Variants in UGT2B10 observed in about 807,000 individuals in gnomAD.
UGT2B10 encodes UDP glucuronosyltransferase family 2 member B10.
UGT2B10 carries 51 observed loss-of-function variants against 43.7 expected under a neutral mutation model. That is an observed-to-expected ratio of 1.17 (90% CI 0.93 to 1.47). The LOEUF (loss-of-function observed/expected upper bound fraction) is 1.47. Among genes scored for constraint, UGT2B10 ranks in the 40% most tolerant of loss-of-function variants. The probability of loss-of-function intolerance (pLI) is 0.00; values close to 1 mark genes in which losing one functional copy is unlikely to be tolerated. For synonymous variants in UGT2B10, 225 were observed against 209.0 expected, an observed-to-expected ratio of 1.08 and a Z score of -0.66; for missense variants, 696 against 617.7, an observed-to-expected ratio of 1.13 and a Z score of -1.34.
Position 68,826,478 on chromosome 4 carries a change from AC to A in UGT2B10, c.1072del (p.Gln358ArgfsTer5). 6.2e-7 allele frequency: 1 copy of A among 1,612,314 alleles called. No individual in the cohort carries two copies. ...GLNTRLYKWI[P>X]QNDLLGHPKT... ...TCAATACTCGACTGTACAAGTGGATACCCCAGAATGACCTTCTAGGTAACAC... is the reference window on the plus strand; with the variant it reads ...TCAATACTCGACTGTACAAGTGGATACCCAGAATGACCTTCTAGGTAACAC... On this transcript the variant is annotated frameshift_variant, in exon 4 of 6. Transcript: ENST00000265403. LOFTEE classifies it high-confidence loss of function.
In UGT2B10 at chr4:68,816,032, T is replaced by C. The variant is rs1560412288; in HGVS notation, c.13T>C (p.Trp5Arg). The change falls in exon 1 of 6, where the codon TGG becomes CGG. Residue 5 changes from tryptophan (W) to arginine (R), a missense_variant. Coordinates refer to ENST00000265403, the MANE Select transcript of UGT2B10 (RefSeq NM_001075.6). Reference protein sequence around the residue: MALKWTTVLLIQLSF... With the variant: MALKRTTVLLIQLSF... ...ACATTGCACAAGGATGGCTCTGAAA[T>C]GGACTACAGTTCTGCTGATACAACT... 1 of 1,612,666 alleles carries C rather than the reference T, an allele frequency of 6.2e-7. No individual in the cohort carries two copies. The highest frequency in any genetic ancestry group is 1.3e-5 in the African/African-American group (1 of 74,946).
intron 5 of UGT2B10, 92 bp from the exon 6 acceptor site, chr4:68,830,508 T>C (rs1435298994): frequency 3.1e-5 from 43 of 1,372,216 alleles, no homozygotes; most frequent in Non-Finnish European, 4.1e-5. Context: ...TTACTTTGAA[T>C]TATTTGACAC....
intron 3 of UGT2B10, among the ~76,000 whole-genome samples, chr4:68,824,832 A>G (rs1318957790): frequency 6.6e-6 from 1 of 152,160 alleles, no homozygotes; most frequent in Non-Finnish European, 1.5e-5. Context: ...GCAAAATACA[A>G]TTTTGAGGTT....
chr4:68,818,291 G>T (rs1578263686), intron 2 of UGT2B10, 114 bp downstream of exon 2: 10 of 1,532,674 alleles, frequency 6.5e-6, no homozygotes, highest in South Asian at 1.3e-5. Flanking sequence ...AAGTAGGTGG[G>T]GTAAAGCAGA....
At chr4:68,818,561 T>C (rs1278249316) in intron 2 of UGT2B10, among the ~76,000 whole-genome samples, 1 of 151,854 alleles carries the variant, frequency 6.6e-6, no homozygotes, top group Non-Finnish European at 1.5e-5. Context: ...CCTTACATTC[T>C]ACTTTGAAAT....
Position 68,816,301 on chromosome 4 carries a change from G to T in UGT2B10, c.282G>T (p.Lys94Asn). The T allele has an allele frequency of 6.2e-7, 1 of 1,613,108 alleles. No individual in the cohort carries two copies. The highest frequency in any genetic ancestry group is 1.1e-5 in the South Asian group (1 of 91,056). ...EFENIIMQLV[K>N]RLSEIQKDTF... The stretch of plus-strand genomic sequence containing the variant: ...AGAATATCATCATGCAATTGGTTAA[G>T]AGATTGTCAGAAATTCAAAAAGATA... Residue 94 changes from lysine to asparagine, a missense_variant, in exon 1 of 6, where the codon AAG (lysine) becomes AAT (asparagine). Coordinates refer to ENST00000265403, the MANE Select transcript of UGT2B10 (RefSeq NM_001075.6).
rs1560422548 is a variant in UGT2B10 at position 68,830,756 on chromosome 4, CT to C, written c.1465del (p.Ser489LeufsTer4). 2 of 1,613,444 alleles carry C rather than the reference CT, an allele frequency of 1.2e-6. No individual in the cohort carries two copies. Among genetic ancestry groups the C allele is most frequent in the East Asian group, 4.5e-5 (2 of 44,822 alleles). On this transcript the variant is annotated frameshift_variant, in exon 6 of 6. Coordinates refer to ENST00000265403, the MANE Select transcript of UGT2B10 (RefSeq NM_001075.6). LOFTEE classifies it low-confidence loss of function (END_TRUNC). ...ACAACCTCACCTGGTTCCAGTACCA[CT>C]CTTTGGATGTGATTGGGTTCCTGCT... ...AHNLTWFQYH[S>X]LDVIGFLLAC...
chr4:68,816,068 T>C lies in UGT2B10; in HGVS notation c.49T>C (p.Phe17Leu), dbSNP rs368959429. ...TVLLIQLSFY[F>L]SSGSCGKVLV... ...TCTGCTGATACAACTCAGTTTTTAC[T>C]TTAGCTCTGGGAGTTGTGGAAAGGT... The change falls in exon 1 of 6, where the codon TTT (phenylalanine) becomes CTT (leucine). Residue 17 changes from phenylalanine to leucine, a missense_variant. Phe to Leu is a conservative substitution (Grantham distance 22). Coordinates refer to ENST00000265403, the MANE Select transcript of UGT2B10 (RefSeq NM_001075.6). 1.3e-5 allele frequency: 21 copies of C among 1,613,002 alleles called. No individual in the cohort carries two copies. Among genetic ancestry groups the C allele is most frequent in the Non-Finnish European group, 1.8e-5 (21 of 1,179,334 alleles).
chr4:68,820,293 G>T (rs1007542507), intron 2 of UGT2B10, among the ~76,000 whole-genome samples: 2 of 151,926 alleles, frequency 1.3e-5, no homozygotes, highest in African/African-American at 2.4e-5. Context: ...TATTTGCTAA[G>T]CCAGGTTGCT....
chr4:68,824,180 C>T (rs1464335277), intron 3 of UGT2B10, among the ~76,000 whole-genome samples: 3 of 152,222 alleles, frequency 2.0e-5, no homozygotes, highest in Admixed American at 1.3e-4. Context: ...GGCTACTATT[C>T]AGAGAAAGAG....
intron 2 of UGT2B10, among the ~76,000 whole-genome samples, chr4:68,821,883 A>G: frequency 3.4e-5 from 1 of 29,116 alleles, no homozygotes; most frequent in Non-Finnish European, 1.4e-3. Flanking sequence ...TTAGTAGAAC[A>G]AAAATATAGA....
At position 68,816,091 on chromosome 4, in the gene UGT2B10, G is replaced by A. The variant is rs759376978; in HGVS notation, c.72G>A (p.Lys24=). 2 of 1,613,204 alleles carry A rather than the reference G, an allele frequency of 1.2e-6. No homozygotes were observed. Among genetic ancestry groups the A allele is most frequent in the Non-Finnish European group, 8.5e-7 (1 of 1,179,384 alleles). ...ACTTTAGCTCTGGGAGTTGTGGAAA[G>A]GTGCTGGTATGGGCCGCAGAATACA... The part of the protein sequence containing the change: ...SFYFSSGSCG[K]VLVWAAEYSL... Residue 24 remains lysine (K), a synonymous_variant, in exon 1 of 6, where the codon AAG becomes AAA. Transcript: ENST00000265403.
chr4:68,825,210 T>G (rs1369522845), intron 3 of UGT2B10, among the ~76,000 whole-genome samples: 1 of 148,652 alleles, frequency 6.7e-6, no homozygotes, highest in Non-Finnish European at 1.5e-5. Context: ...ATAAAATACA[T>G]AAAACAAAAT....
chr4:68,827,197 C>G lies in UGT2B10; in HGVS notation c.1088-132C>G, dbSNP rs1366416246. On this transcript the variant is annotated intron_variant, in intron 4 of 5. Transcript: ENST00000265403. The stretch of plus-strand genomic sequence containing the variant: ...CTCCAACACAAGTACCTGTTTTTTC[C>G]TCTGAAATCTGAAAAGTAATAGCAA... The G allele has an allele frequency of 4.8e-6, 7 of 1,455,412 alleles. No individual in the cohort carries two copies. The Admixed American group carries it at 6.4e-5, about 13-fold the overall frequency. 90.2% of individuals were successfully genotyped at this position (1,455,412 alleles called of 1,614,324 possible). A position where few individuals can be genotyped will look rare whatever the true frequency, so the allele number is the denominator to read the frequency against.
intron 1 of UGT2B10, among the ~76,000 whole-genome samples, chr4:68,817,272 T>C (rs1262817064): frequency 1.3e-5 from 2 of 151,900 alleles, no homozygotes; most frequent in East Asian, 3.9e-4. Context: ...ATTTGAAGTT[T>C]CAAATGTTTC....
chr4:68,824,892 A>G (rs993649917), intron 3 of UGT2B10, among the ~76,000 whole-genome samples: 3 of 152,238 alleles, frequency 2.0e-5, no homozygotes, highest in African/African-American at 7.2e-5. Flanking sequence ...CCTTATTTCT[A>G]TGCCAAAAAA....
At position 68,816,091 on chromosome 4, in the gene UGT2B10, G is replaced by C; in HGVS notation, c.72G>C (p.Lys24Asn). Residue 24 changes from lysine to asparagine, a missense_variant, in exon 1 of 6, where the codon AAG becomes AAC. By Grantham distance (94) the Lys-to-Asn change is moderately conservative. Transcript: ENST00000265403. The stretch of plus-strand genomic sequence containing the variant: ...ACTTTAGCTCTGGGAGTTGTGGAAA[G>C]GTGCTGGTATGGGCCGCAGAATACA... ...SFYFSSGSCG[K>N]VLVWAAEYSL... 6.2e-7 allele frequency: 1 copy of C among 1,613,206 alleles called. No individual in the cohort carries two copies. The highest frequency in any genetic ancestry group is 8.5e-7 in the Non-Finnish European group (1 of 1,179,386).
intron 1 of UGT2B10, 67 bp downstream of exon 1, chr4:68,816,804 T>C: frequency 2.3e-6 from 3 of 1,300,224 alleles, no homozygotes; most frequent in South Asian, 1.5e-5. Context: ...ACAACTTGCA[T>C]AAAGCCATAA....
chr4:68,822,549 G>C (rs1167641366), intron 3 of UGT2B10, 147 bp downstream of exon 3: 1 of 1,524,618 alleles, frequency 6.6e-7, no homozygotes, highest in African/African-American at 1.4e-5. Flanking sequence ...TCCACTGACA[G>C]AAGTAATAGT....
Sources: allele counts gnomAD v4.1 joint callset (sites outside exome capture counted in the v4.1 genomes callset), GRCh38; gene constraint gnomAD v4.1.1; transcripts MANE v1.5; gene names NCBI Gene and HGNC (gene_info 2026-07-23, HGNC 2026-07-21).